The following IL1R2 variants were observed in gnomAD, a reference collection of about 807,000 sequenced individuals.
IL1R2 encodes the protein interleukin 1 receptor type 2.
IL1R2 carries 46 observed loss-of-function variants against 39.5 expected under a neutral mutation model. The observed-to-expected ratio is 1.16, with a 90% confidence interval of 0.92 to 1.49. The LOEUF (loss-of-function observed/expected upper bound fraction) is 1.49, where lower values mean the gene tolerates loss of function less well. IL1R2 is among the 40% of genes most tolerant of loss of function. IL1R2 has a pLI of 0.00. For synonymous variants in IL1R2, 207 were observed against 189.6 expected (o/e 1.09, Z -0.75); for missense variants, 537 against 502.0 (o/e 1.07, Z -0.67).
intron 1 of IL1R2, among the ~76,000 whole-genome samples, chr2:101,997,539 G>A (rs985844804): frequency 6.6e-6 from 1 of 152,134 alleles, no homozygotes; most frequent in Non-Finnish European, 1.5e-5. Context: ...TGGCCTCACT[G>A]CTCCTTACTC....
At chr2:102,017,458 A>T (rs1677080218) in intron 4 of IL1R2, among the ~76,000 whole-genome samples, 1 of 151,976 alleles carries the variant, frequency 6.6e-6, no homozygotes, top group Non-Finnish European at 1.5e-5. Context: ...AAATATGAAC[A>T]CAATTTATTC....
intron 8 of IL1R2, among the ~76,000 whole-genome samples, chr2:102,027,830 G>C (rs1051813805): frequency 6.6e-6 from 1 of 152,052 alleles, no homozygotes; most frequent in Non-Finnish European, 1.5e-5. Context: ...ATTTTCCTTT[G>C]CTACTTCCTT....
In IL1R2 at chr2:102,009,974, C is replaced by G. The variant is rs79249989; in HGVS notation, c.332+148C>G. 767 of 734,720 alleles carry G rather than the reference C, an allele frequency of 1.0e-3. 8 individuals carry two copies. In the East Asian group the frequency reaches 0.02, roughly 19 times the overall value. The allele number at this position is 734,720 out of a possible 1,614,324, so 45.5% of individuals were successfully genotyped here. The stretch of plus-strand genomic sequence containing the variant: ...TGCATCCCGTTTGCTGTTCCTGACA[C>G]CCCCCCCAACCCTACAGTCTCATTC... On this transcript the variant is annotated intron_variant, in intron 3 of 8. Coordinates refer to ENST00000332549, the MANE Select transcript of IL1R2 (RefSeq NM_004633.4).
At chr2:102,003,649 G>A (rs1451639813) in intron 1 of IL1R2, among the ~76,000 whole-genome samples, 3 of 101,818 alleles carry the variant, frequency 2.9e-5, no homozygotes, top group African/African-American at 1.3e-4. Flanking sequence ...TCTGTGTCTG[G>A]CTGTGGCTGT....
At chr2:102,013,587 G>GAAAAAA (rs57976300) in intron 3 of IL1R2, among the ~76,000 whole-genome samples, 2 of 60,958 alleles carry the variant, frequency 3.3e-5, no homozygotes, top group East Asian at 4.0e-4. Context: ...AAAAGAAAAA[G>GAAAAAA]AAAAAAAAAA....
chr2:102,024,054 C>A (rs4851528), intron 6 of IL1R2, among the ~76,000 whole-genome samples: 30,320 of 140,876 alleles, frequency 0.22, 4,692 homozygotes, highest in African/African-American at 0.4. Context: ...ATCTCAAAAA[C>A]AAAACAAAAC....
At chr2:102,009,528 C>T (rs748545695) in intron 2 of IL1R2, 34 bp from the exon 3 acceptor site, 1 of 1,603,974 alleles carries the variant, frequency 6.2e-7, no homozygotes, top group East Asian at 2.2e-5. Flanking sequence ...AAGTTTTGGA[C>T]CCAAAGCCTG....
intron 5 of IL1R2, 68 bp from the exon 6 acceptor site, chr2:102,022,119 A>G (rs1037593746): frequency 1.5e-6 from 2 of 1,307,522 alleles, no homozygotes; most frequent in African/African-American, 1.5e-5. Context: ...TAGCCAAACA[A>G]TGACTTGAAC....
rs887807999 is a variant in IL1R2, at chr2:102,015,991, A to G, written c.453A>G (p.Val151=). 6.2e-7 allele frequency: 1 copy of G among 1,614,036 alleles called. No individual in the cohort carries two copies. Among genetic ancestry groups the G allele is most frequent in the Non-Finnish European group, 8.5e-7 (1 of 1,179,874 alleles). Residue 151 remains valine, a synonymous_variant, in exon 4 of 9, where the codon GTA becomes GTG. Coordinates refer to ENST00000332549, the MANE Select transcript of IL1R2 (RefSeq NM_004633.4). ...ILTLSTSGVL[V]CPDLSEFTRD... is the part of the protein sequence containing the mutation. ...CCTTGTCAACCTCTGGGGTATTAGT[A>G]TGCCCTGACCTGAGTGAATTCACCC...
At position 102,025,804 on chromosome 2, in the gene IL1R2, T is replaced by C. The variant is rs529785657; in HGVS notation, c.888-307T>C. 2.0e-5 allele frequency among the ~76,000 whole-genome samples: 3 copies of C among 152,344 alleles called. No individual in the cohort carries two copies. The South Asian group carries it at 6.2e-4, about 32-fold the overall frequency. Reference sequence around the variant, plus strand: ...GACGTTTCTGTTCCCATGACTGTTTTTTTTTGTTGTTGTTGTTCATTAAGA... The same window carrying C: ...GACGTTTCTGTTCCCATGACTGTTTCTTTTTGTTGTTGTTGTTCATTAAGA... On this transcript the variant is annotated intron_variant, in intron 7 of 8. Transcript: ENST00000332549.
chr2:101,996,601 G>A (rs992158645), intron 1 of IL1R2, among the ~76,000 whole-genome samples: 8 of 150,606 alleles, frequency 5.3e-5, no homozygotes, highest in Non-Finnish European at 8.8e-5. Flanking sequence ...GACAAGGTGG[G>A]CACATTTTCC....
chr2:102,005,125 G>C (rs866271338), intron 1 of IL1R2, among the ~76,000 whole-genome samples: 3 of 152,214 alleles, frequency 2.0e-5, no homozygotes, highest in Admixed American at 1.3e-4. Flanking sequence ...GTTAGCTACT[G>C]ACTGATCCTG....
intron 8 of IL1R2, among the ~76,000 whole-genome samples, 161 bp from the exon 9 acceptor site, chr2:102,028,065 C>A (rs1194383364): frequency 6.6e-6 from 1 of 152,212 alleles, no homozygotes; most frequent in Non-Finnish European, 1.5e-5. Flanking sequence ...TCTCAAATAT[C>A]CTCCATGTTG....
intron 6 of IL1R2, among the ~76,000 whole-genome samples, chr2:102,024,035 C>A (rs3218972): frequency 0.2 from 28,639 of 143,732 alleles, 3,566 homozygotes; most frequent in African/African-American, 0.33. Context: ...GGCGACAGAG[C>A]GAGACTCCAT....
At chr2:102,009,259 T>C (rs1364744943) in intron 2 of IL1R2, among the ~76,000 whole-genome samples, 1 of 152,134 alleles carries the variant, frequency 6.6e-6, no homozygotes, top group Non-Finnish European at 1.5e-5. Context: ...TGGCCATAGT[T>C]TTTAATCTTT....
intron 8 of IL1R2, among the ~76,000 whole-genome samples, chr2:102,026,883 G>A (rs1677776239): frequency 6.6e-6 from 1 of 152,220 alleles, no homozygotes; most frequent in Non-Finnish European, 1.5e-5. Context: ...CTAATGGCAG[G>A]CAAGCCAAAG....
At chr2:102,026,920 C>G (rs1438958795) in intron 8 of IL1R2, among the ~76,000 whole-genome samples, 1 of 152,178 alleles carries the variant, frequency 6.6e-6, no homozygotes, top group Admixed American at 6.5e-5. Flanking sequence ...AGTGATGGCT[C>G]GTGGACAATC....
rs778114406 is a variant in IL1R2 at position 102,009,542 on chromosome 2, A to G, written c.68-20A>G. The G allele has an allele frequency of 1.9e-6, 3 of 1,610,976 alleles. No individual in the cohort carries two copies. The highest frequency in any genetic ancestry group is 2.7e-5 in the African/African-American group (2 of 74,802). On this transcript the variant is annotated intron_variant, in intron 2 of 8. Coordinates refer to ENST00000332549, the MANE Select transcript of IL1R2 (RefSeq NM_004633.4). ...CAAGTTTTGGACCCAAAGCCTGACCATGGGCTCTCTGTCCTTCAGGGGCTG... is the reference window on the plus strand; with the variant it reads ...CAAGTTTTGGACCCAAAGCCTGACCGTGGGCTCTCTGTCCTTCAGGGGCTG...
intron 1 of IL1R2, among the ~76,000 whole-genome samples, chr2:102,003,556 G>A (rs1296880852): frequency 9.3e-6 from 1 of 107,900 alleles, no homozygotes; most frequent in Non-Finnish European, 1.8e-5. Context: ...GGCTGTGGCT[G>A]TGTCTGTGTC....
Sources: allele counts gnomAD v4.1 joint callset (sites outside exome capture counted in the v4.1 genomes callset), GRCh38; gene constraint gnomAD v4.1.1; transcripts MANE v1.5; gene names NCBI Gene and HGNC (gene_info 2026-07-23, HGNC 2026-07-21).